PDK1: variants seen among roughly 807,000 people sequenced by gnomAD.
PDK1 encodes pyruvate dehydrogenase kinase 1, also known as [Pyruvate dehydrogenase (acetyl-transferring)] kinase isozyme 1, mitochondrial.
In PDK1, 39 loss-of-function variants were observed where a neutral mutation model predicts 54.2. The ratio of observed to expected loss-of-function variants is 0.72; its 90% CI spans 0.56 to 0.94. The LOEUF (loss-of-function observed/expected upper bound fraction) is 0.94. PDK1 is among the 40% of genes least tolerant of loss of function. The pLI is 0.00. For synonymous variants in PDK1, 221 were observed against 207.1 expected (o/e 1.07, Z -0.58); for missense variants, 552 against 566.0 (o/e 0.98, Z 0.25).
At chr2:172,669,338 C>T in the PDK1 span, among the ~76,000 whole-genome samples, 2 of 152,200 alleles carry the variant, frequency 1.3e-5, no homozygotes, top group East Asian at 3.8e-4. Flanking sequence ...TGAGCCACTG[C>T]GCCCGGCCAC....
intron 8 of PDK1, among the ~76,000 whole-genome samples, chr2:172,576,169 A>G (rs925911073): frequency 4.6e-5 from 7 of 151,986 alleles, no homozygotes; most frequent in Non-Finnish European, 8.8e-5. Context: ...CTCGTGATCC[A>G]CCTGCCTCAG....
downstream of PDK1, chr2:172,608,716 A>C (rs1691372973): frequency 1.3e-5 from 2 of 152,134 alleles, 1 homozygote; most frequent in South Asian, 4.1e-4. Flanking sequence ...CCTCTGAGAA[A>C]AAATTCAAAG....
At chr2:172,633,904 C>G in the PDK1 span, among the ~76,000 whole-genome samples, 3 of 118,110 alleles carry the variant, frequency 2.5e-5, no homozygotes, top group African/African-American at 9.7e-5. Flanking sequence ...GAGACAGAGC[C>G]TTGCTCTCTT....
At chr2:172,711,641 A>G in the PDK1 span, among the ~76,000 whole-genome samples, 1 of 152,076 alleles carries the variant, frequency 6.6e-6, no homozygotes, top group Admixed American at 6.6e-5. Flanking sequence ...GAGGCTGGTG[A>G]ATCCCTTGAG....
chr2:172,642,399 T>C, the PDK1 span, among the ~76,000 whole-genome samples: 1 of 152,248 alleles, frequency 6.6e-6, no homozygotes, highest in South Asian at 2.1e-4. Context: ...GCTGTGAGTA[T>C]GGTGTAGGAG....
chr2:172,566,990 A>G (rs982383069), intron 6 of PDK1, 57 bp downstream of exon 6: 8 of 1,153,696 alleles, frequency 6.9e-6, no homozygotes, highest in Middle Eastern at 2.2e-4. Flanking sequence ...TTGATAAGGG[A>G]TAAGAATTTA....
At chr2:172,656,931 T>C in the PDK1 span, among the ~76,000 whole-genome samples, 22,554 of 152,140 alleles carry the variant, frequency 0.15, 2,928 homozygotes, top group East Asian at 0.53. Context: ...GTGTGGGGGC[T>C]CTCCTAAGAC....
At chr2:172,621,350 A>G in the PDK1 span, among the ~76,000 whole-genome samples, 1 of 151,992 alleles carries the variant, frequency 6.6e-6, no homozygotes, top group African/African-American at 2.4e-5. Context: ...TGAAAAGACT[A>G]GATTGGCTTA....
chr2:172,711,172 A>G, the PDK1 span, among the ~76,000 whole-genome samples: 23 of 152,258 alleles, frequency 1.5e-4, no homozygotes, highest in South Asian at 4.8e-3. Flanking sequence ...TGGCTGGACA[A>G]TTTACTTCTA....
In PDK1 at chr2:172,592,432, TCTGA is replaced by T. The variant is rs532320309; in HGVS notation, c.1057-500_1057-497del. Reference sequence around the variant, plus strand: ...GTCCCTGTCTCTTCCTCTCTCTGTCTCTGACTTTGTCTCTTTCTTTCTTTCTCTC... The same window carrying T: ...GTCCCTGTCTCTTCCTCTCTCTGTCTCTTTGTCTCTTTCTTTCTTTCTCTC... On this transcript the variant is annotated intron_variant, in intron 9 of 10. Coordinates refer to ENST00000282077, the MANE Select transcript of PDK1 (RefSeq NM_002610.5). Among the ~76,000 whole-genome samples, 85 of 149,170 alleles carry T rather than the reference TCTGA, an allele frequency of 5.7e-4. 1 individual carries two copies. In the South Asian group the frequency reaches 0.013, roughly 23 times the overall value.
rs544266658 is a variant in PDK1, at chr2:172,591,926, A to T, written c.1057-1009A>T. The stretch of plus-strand genomic sequence containing the variant: ...TATTTGAGCAGACCAATTATTAGGC[A>T]ATTTTCCTAACTCTGCTTCTACAAT... On this transcript the variant is annotated intron_variant, in intron 9 of 10. Coordinates refer to ENST00000282077, the MANE Select transcript of PDK1 (RefSeq NM_002610.5). 2.6e-5 allele frequency among the ~76,000 whole-genome samples: 4 copies of T among 152,338 alleles called. 1 individual carries two copies. The South Asian group carries it at 8.3e-4, about 32-fold the overall frequency.
At chr2:172,694,073 A>G in the PDK1 span, among the ~76,000 whole-genome samples, 2 of 152,242 alleles carry the variant, frequency 1.3e-5, no homozygotes, top group East Asian at 1.9e-4. Flanking sequence ...TGTGGCGACC[A>G]TAGCAGAGAG....
chr2:172,597,948 C>T lies in PDK1; in HGVS notation c.*1979C>T, dbSNP rs1690975653. 6.6e-6 allele frequency: 1 copy of T among 152,130 alleles called. No homozygotes were observed. The highest frequency in any genetic ancestry group is 1.5e-5 in the Non-Finnish European group (1 of 68,032). 9.4% of individuals were successfully genotyped at this position (152,130 alleles called of 1,614,324 possible). On this transcript the variant is annotated 3_prime_UTR_variant, in exon 11 of 11. Transcript: ENST00000282077. ...GAATGGGCAGTTAGTCCAGTGCCCT[C>T]ATTTAAGAGGCCAAGATCCTGATTC...
the PDK1 span, among the ~76,000 whole-genome samples, chr2:172,641,281 C>T: frequency 6.6e-6 from 1 of 151,982 alleles, no homozygotes; most frequent in Non-Finnish European, 1.5e-5. Context: ...CACGAATCAT[C>T]ACCACACCTG....
the PDK1 span, among the ~76,000 whole-genome samples, chr2:172,666,949 G>A: frequency 6.6e-6 from 1 of 152,148 alleles, no homozygotes; most frequent in Admixed American, 6.5e-5. Context: ...AGAAAGTTTT[G>A]TTGTGAAGAA....
chr2:172,562,196 T>C, intron 2 of PDK1, 24 bp from the exon 3 acceptor site: 1 of 1,315,754 alleles, frequency 7.6e-7, no homozygotes. Flanking sequence ...AAGAACAAAC[T>C]TATCCTATTG....
At chr2:172,555,965 C>T, upstream of PDK1, 2 of 417,702 alleles carry the variant, frequency 4.8e-6, no homozygotes, top group Non-Finnish European at 8.3e-6. Flanking sequence ...TTTTCTCTCC[C>T]CGCCTCCTTC....
At chr2:172,590,173 T>C (rs1340611809) in intron 9 of PDK1, among the ~76,000 whole-genome samples, 1 of 152,230 alleles carries the variant, frequency 6.6e-6, no homozygotes, top group Non-Finnish European at 1.5e-5. Flanking sequence ...ATTTATGATA[T>C]TAAGTCATGA....
At chr2:172,614,970 C>T in the PDK1 span, among the ~76,000 whole-genome samples, 1 of 152,226 alleles carries the variant, frequency 6.6e-6, no homozygotes, top group African/African-American at 2.4e-5. Flanking sequence ...TATTAGTACA[C>T]AACAGTGTAC....
Sources: allele counts gnomAD v4.1 joint callset (sites outside exome capture counted in the v4.1 genomes callset), GRCh38; gene constraint gnomAD v4.1.1; transcripts MANE v1.5; gene names NCBI Gene and HGNC (gene_info 2026-07-23, HGNC 2026-07-21).